Variants in XKR9 observed in about 807,000 individuals in gnomAD.
XKR9 encodes XK-related protein 9.
XKR9 carries 32 observed loss-of-function variants against 32.0 expected under a neutral mutation model. That is an observed-to-expected ratio of 1.00 (90% confidence interval 0.76 to 1.34). The LOEUF (loss-of-function observed/expected upper bound fraction) is 1.34, where lower values mean the gene tolerates loss of function less well. Among genes scored for constraint, XKR9 ranks in the 40% most tolerant of loss-of-function variants. The pLI is 0.00. For missense variants in XKR9, 546 were observed against 429.7 expected, an observed-to-expected ratio of 1.27 and a Z score of -2.39; for synonymous variants, 168 against 143.4, an observed-to-expected ratio of 1.17 and a Z score of -1.22.
intron 4 of XKR9, among the ~76,000 whole-genome samples, chr8:70,709,522 G>T (rs1267708735): frequency 4.6e-5 from 7 of 152,106 alleles, no homozygotes; most frequent in African/African-American, 1.7e-4. Context: ...ATCCCTGTTT[G>T]CAAACAATAT....
the XKR9 span, among the ~76,000 whole-genome samples, chr8:71,029,633 A>G: frequency 1.3e-5 from 2 of 152,138 alleles, no homozygotes; most frequent in Non-Finnish European, 2.9e-5. Flanking sequence ...GAAAATATTG[A>G]TTTTCTAAAA....
chr8:70,757,208 T>C (rs1807239379), intron 2 of XKR9, among the ~76,000 whole-genome samples: 1 of 152,200 alleles, frequency 6.6e-6, no homozygotes, highest in Non-Finnish European at 1.5e-5. Context: ...ATGAATTTTC[T>C]CATTTCTCCT....
At chr8:70,985,362 A>G in the XKR9 span, among the ~76,000 whole-genome samples, 6 of 152,194 alleles carry the variant, frequency 3.9e-5, no homozygotes, top group African/African-American at 1.2e-4. Flanking sequence ...ATGGCTGCAT[A>G]GTATTCCATG....
rs1367204864 is a variant in XKR9, at chr8:70,680,873, T to G, written c.-186T>G. The stretch of plus-strand genomic sequence containing the variant: ...TAGATTAGAGATTTAGAAAAGAAAG[T>G]CAAAATTAGTCACTTTAGTGTTAGT... On this transcript the variant is annotated 5_prime_UTR_variant, in exon 3 of 5. Transcript: ENST00000408926. The G allele has an allele frequency of 2.1e-6, 1 of 486,638 alleles. No individual in the cohort carries two copies. The highest frequency in any genetic ancestry group is 3.5e-6 in the Non-Finnish European group (1 of 283,064). The allele number at this position is 486,638 out of a possible 1,614,324, so 30.1% of individuals were successfully genotyped here. A position where few individuals can be genotyped will look rare whatever the true frequency, so the allele number is the denominator to read the frequency against.
chr8:70,841,552 G>A, the XKR9 span, among the ~76,000 whole-genome samples: 1 of 152,024 alleles, frequency 6.6e-6, no homozygotes, highest in African/African-American at 2.4e-5. Context: ...ATAAGGTCTC[G>A]AGTCACATGC....
intron 3 of XKR9, among the ~76,000 whole-genome samples, chr8:70,687,511 A>C (rs1038803993): frequency 1.3e-5 from 2 of 151,950 alleles, no homozygotes; most frequent in African/African-American, 4.8e-5. Context: ...CTAGCATTAC[A>C]GGCATGTGCC....
At chr8:70,816,710 A>T in the XKR9 span, among the ~76,000 whole-genome samples, 4 of 151,982 alleles carry the variant, frequency 2.6e-5, no homozygotes, top group East Asian at 7.7e-4. Context: ...GCCCGAAGAG[A>T]TTGGGCTAGA....
chr8:70,824,629 AAGTT>A, the XKR9 span, among the ~76,000 whole-genome samples: 1 of 152,104 alleles, frequency 6.6e-6, no homozygotes. Flanking sequence ...GAATTTAAAG[AAGTT>A]AAACACTAAG....
the XKR9 span, among the ~76,000 whole-genome samples, chr8:70,860,339 C>G: frequency 2.0e-5 from 3 of 152,036 alleles, no homozygotes; most frequent in Non-Finnish European, 2.9e-5. Flanking sequence ...TGTGAAGATA[C>G]AACGAGAAGT....
chr8:70,842,811 TCAAGAGGC>T, the XKR9 span, among the ~76,000 whole-genome samples: 2 of 152,214 alleles, frequency 1.3e-5, no homozygotes, highest in African/African-American at 4.8e-5. Context: ...AATACCATCT[TCAAGAGGC>T]CAACATTACT....
At chr8:70,935,386 TG>T in the XKR9 span, among the ~76,000 whole-genome samples, 1 of 151,820 alleles carries the variant, frequency 6.6e-6, no homozygotes. Context: ...TTTTTGATAT[TG>T]TAAACAATTC....
At chr8:70,831,323 T>A in the XKR9 span, among the ~76,000 whole-genome samples, 8 of 152,154 alleles carry the variant, frequency 5.3e-5, no homozygotes, top group African/African-American at 1.9e-4. Context: ...CCTAACTTCT[T>A]TGAGTTTTAA....
chr8:70,958,669 CT>C, the XKR9 span, among the ~76,000 whole-genome samples: 1 of 152,156 alleles, frequency 6.6e-6, no homozygotes, highest in Non-Finnish European at 1.5e-5. Flanking sequence ...ATGATAGTTT[CT>C]TTTGCTGTGC....
At chr8:70,866,523 G>T in the XKR9 span, among the ~76,000 whole-genome samples, 4 of 152,204 alleles carry the variant, frequency 2.6e-5, no homozygotes, top group Admixed American at 6.5e-5. Flanking sequence ...TGCTGAGTTT[G>T]AGAGCACAGT....
the XKR9 span, among the ~76,000 whole-genome samples, chr8:71,027,768 CT>C: frequency 5.1e-5 from 5 of 98,768 alleles, no homozygotes; most frequent in East Asian, 2.3e-4. Context: ...CTCTCTCTTT[CT>C]TTTTTTTGGC....
chr8:70,881,813 A>C, the XKR9 span, among the ~76,000 whole-genome samples: 1 of 152,136 alleles, frequency 6.6e-6, no homozygotes, highest in Non-Finnish European at 1.5e-5. Flanking sequence ...GACACTTGCA[A>C]ACGTATGTTT....
intron 2 of XKR9, among the ~76,000 whole-genome samples, chr8:70,771,809 G>A (rs1807457562): frequency 2.0e-5 from 3 of 152,148 alleles, no homozygotes; most frequent in Admixed American, 6.5e-5. Context: ...CTTGAGGTTT[G>A]GGTGAAGCAG....
chr8:70,698,841 G>A (rs11996855), intron 3 of XKR9, among the ~76,000 whole-genome samples: 80,407 of 151,604 alleles, frequency 0.53, 22,351 homozygotes, highest in Middle Eastern at 0.62. Context: ...TAGGTCACTC[G>A]GGACTTGCTT....
chr8:70,951,073 T>C, the XKR9 span, among the ~76,000 whole-genome samples: 2 of 152,204 alleles, frequency 1.3e-5, no homozygotes, highest in African/African-American at 4.8e-5. Context: ...TTATTCCTTT[T>C]ATTGCAGCTT....
Sources: gnomAD v4.1 joint callset for allele counts (sites outside exome capture counted in the v4.1 genomes callset) on GRCh38, gnomAD v4.1.1 for gene constraint, MANE v1.5 for transcripts, NCBI Gene and HGNC (gene_info 2026-07-23, HGNC 2026-07-21) for gene names.